KLHL1: variants seen among roughly 807,000 people sequenced by gnomAD.
KLHL1 encodes kelch-like protein 1.
A neutral mutation model predicts 77.7 loss-of-function variants in KLHL1; 47 were observed. The observed-to-expected ratio is 0.60, with a 90% confidence interval of 0.48 to 0.77. The LOEUF (loss-of-function observed/expected upper bound fraction) is 0.77. Ranked by LOEUF, KLHL1 falls within the 30% of genes least tolerant of loss-of-function variation. KLHL1 has a pLI of 0.00. For missense variants in KLHL1, 925 were observed against 910.8 expected (o/e 1.02, Z -0.20); for synonymous variants, 360 against 325.2 (o/e 1.11, Z -1.15).
At chr13:70,012,357 A>G (rs1166022257) in intron 1 of KLHL1, among the ~76,000 whole-genome samples, 7 of 152,038 alleles carry the variant, frequency 4.6e-5, no homozygotes. Context: ...GTATTTACCT[A>G]TATTTTTCAC....
intron 1 of KLHL1, among the ~76,000 whole-genome samples, chr13:70,083,720 C>T (rs895061726): frequency 5.9e-5 from 9 of 151,952 alleles, no homozygotes; most frequent in South Asian, 2.1e-4. Context: ...TAATTATATA[C>T]GAATTAATAT....
chr13:69,840,528 A>G (rs939324778), intron 5 of KLHL1, among the ~76,000 whole-genome samples: 1 of 151,870 alleles, frequency 6.6e-6, no homozygotes, highest in Non-Finnish European at 1.5e-5. Flanking sequence ...CTGGCCCAGA[A>G]CAGTTTTAAT....
intron 6 of KLHL1, among the ~76,000 whole-genome samples, chr13:69,819,000 A>T (rs1878234686): frequency 6.6e-6 from 1 of 152,218 alleles, no homozygotes; most frequent in African/African-American, 2.4e-5. Flanking sequence ...TTGTAAGTGT[A>T]TCATTTTCTT....
intron 6 of KLHL1, among the ~76,000 whole-genome samples, chr13:69,814,257 A>G (rs2138067594): frequency 6.6e-6 from 1 of 152,320 alleles, no homozygotes; most frequent in South Asian, 2.1e-4. Flanking sequence ...AGATGGACTA[A>G]AAACTTAAAT....
chr13:70,038,349 T>C (rs1194359131), intron 1 of KLHL1, among the ~76,000 whole-genome samples: 2 of 152,148 alleles, frequency 1.3e-5, no homozygotes, highest in African/African-American at 2.4e-5. Context: ...TTACAAATAA[T>C]GCTGTTATGA....
chr13:69,869,636 G>C (rs548138369), intron 5 of KLHL1, among the ~76,000 whole-genome samples: 7 of 152,210 alleles, frequency 4.6e-5, no homozygotes, highest in Admixed American at 3.3e-4. Flanking sequence ...CTGTGGAATT[G>C]CTCTTCTCTA....
chr13:69,990,177 G>A (rs1262642916), intron 1 of KLHL1, among the ~76,000 whole-genome samples: 1 of 151,934 alleles, frequency 6.6e-6, no homozygotes, highest in Non-Finnish European at 1.5e-5. Flanking sequence ...CCTGAAAGCA[G>A]CACTAAAGAT....
intron 7 of KLHL1, among the ~76,000 whole-genome samples, chr13:69,754,683 C>T (rs76857750): frequency 0.022 from 3,278 of 152,276 alleles, 109 homozygotes; most frequent in African/African-American, 0.075. Flanking sequence ...ATACAAATGC[C>T]ATCAGGCACC....
At chr13:69,930,116 T>G (rs1882952258) in intron 4 of KLHL1, among the ~76,000 whole-genome samples, 1 of 151,856 alleles carries the variant, frequency 6.6e-6, no homozygotes, top group Non-Finnish European at 1.5e-5. Flanking sequence ...TTTGAGAAAT[T>G]TATAGATCCT....
intron 6 of KLHL1, among the ~76,000 whole-genome samples, chr13:69,811,073 A>G (rs1166010203): frequency 6.6e-6 from 1 of 152,166 alleles, no homozygotes; most frequent in Non-Finnish European, 1.5e-5. Flanking sequence ...TCTTACTGAA[A>G]CAATTCCAAA....
intron 4 of KLHL1, among the ~76,000 whole-genome samples, chr13:69,909,674 A>C (rs751252762): frequency 2.6e-5 from 4 of 152,052 alleles, no homozygotes; most frequent in Non-Finnish European, 5.9e-5. Context: ...GGGTCTTAAA[A>C]ATAATTTTTG....
intron 3 of KLHL1, among the ~76,000 whole-genome samples, chr13:69,945,473 A>AT (rs1883495767): frequency 6.6e-6 from 1 of 151,428 alleles, no homozygotes; most frequent in Admixed American, 6.6e-5. Context: ...AAAAAAAAAA[A>AT]GCCACTGTAA....
intron 7 of KLHL1, among the ~76,000 whole-genome samples, chr13:69,788,813 T>A (rs1566255370): frequency 6.6e-6 from 1 of 152,160 alleles, no homozygotes; most frequent in Non-Finnish European, 1.5e-5. Context: ...AAAGACTTGA[T>A]CAGAGATCAG....
In KLHL1 at chr13:69,701,650, T is replaced by TA. The variant is rs1875400408; in HGVS notation, c.*51dup. ...AAGTTCTCATTCTTGCCATTCAATA[T>TA]AAAAATAACCACTCCAGCAAGTAAA... is the stretch of plus-strand genomic sequence containing the variant. On this transcript the variant is annotated 3_prime_UTR_variant, in exon 11 of 11. Transcript: ENST00000377844. 7.6e-7 allele frequency: 1 copy of TA among 1,323,164 alleles called. No individual in the cohort carries two copies. The highest frequency in any genetic ancestry group is 1.2e-5 in the South Asian group (1 of 80,656). The allele number at this position is 1,323,164 out of a possible 1,614,324, so 82.0% of individuals were successfully genotyped here. A position where few individuals can be genotyped will look rare whatever the true frequency, so the allele number is the denominator to read the frequency against.
chr13:69,955,925 ATATATATTTGATATATATT>A (rs1253348003), intron 3 of KLHL1, among the ~76,000 whole-genome samples: 9 of 114,790 alleles, frequency 7.8e-5, no homozygotes, highest in Non-Finnish European at 1.1e-4. Flanking sequence ...ATATATATTT[ATATATATTTGATATATATT>A]TATATATATA....
At chr13:69,762,378 TG>T (rs1189299435) in intron 7 of KLHL1, among the ~76,000 whole-genome samples, 1 of 152,090 alleles carries the variant, frequency 6.6e-6, no homozygotes. Flanking sequence ...TTCTCGACTC[TG>T]ATATGACTAA....
intron 1 of KLHL1, among the ~76,000 whole-genome samples, chr13:69,983,435 A>G (rs1884769857): frequency 6.6e-6 from 1 of 152,034 alleles, no homozygotes; most frequent in South Asian, 2.1e-4. Flanking sequence ...GAGGCATTAC[A>G]CTACCTGACT....
At chr13:70,047,729 C>A (rs1338526620) in intron 1 of KLHL1, among the ~76,000 whole-genome samples, 1 of 152,142 alleles carries the variant, frequency 6.6e-6, no homozygotes, top group Non-Finnish European at 1.5e-5. Flanking sequence ...CAATTACATT[C>A]TTAACTTCAA....
chr13:70,080,994 C>A (rs1290163414), intron 1 of KLHL1, among the ~76,000 whole-genome samples: 1 of 152,122 alleles, frequency 6.6e-6, no homozygotes, highest in East Asian at 1.9e-4. Flanking sequence ...CTTCTCTTCC[C>A]AAAAAACATT....
Sources: gnomAD v4.1 joint callset for allele counts (sites outside exome capture counted in the v4.1 genomes callset) on GRCh38, gnomAD v4.1.1 for gene constraint, MANE v1.5 for transcripts, NCBI Gene and HGNC (gene_info 2026-07-23, HGNC 2026-07-21) for gene names.